FER: variants seen among roughly 807,000 people sequenced by gnomAD.
FER encodes tyrosine-protein kinase Fer.
Under a neutral mutation model 111.0 loss-of-function variants are expected in FER, and 63 were observed. The ratio of observed to expected loss-of-function variants is 0.57; its 90% CI spans 0.46 to 0.70. FER has a LOEUF of 0.70. FER is among the 30% of genes least tolerant of loss of function. The pLI is 0.00. For synonymous variants in FER, 327 were observed against 313.9 expected (o/e 1.04, Z -0.44); for missense variants, 914 against 954.0 (o/e 0.96, Z 0.55).
chr5:108,811,551 A>G (rs1159479937), intron 3 of FER, among the ~76,000 whole-genome samples: 1 of 152,212 alleles, frequency 6.6e-6, no homozygotes, highest in Non-Finnish European at 1.5e-5. Context: ...AGATGACAGT[A>G]AAGTGAAGAT....
At chr5:108,865,392 T>A (rs1341529874) in intron 5 of FER, among the ~76,000 whole-genome samples, 1 of 152,170 alleles carries the variant, frequency 6.6e-6, no homozygotes, top group Non-Finnish European at 1.5e-5. Flanking sequence ...CAACACTATG[T>A]TGAATAGGAA....
intron 17 of FER, among the ~76,000 whole-genome samples, chr5:109,168,330 CCT>C (rs1756762671): frequency 6.6e-6 from 1 of 151,978 alleles, no homozygotes; most frequent in Non-Finnish European, 1.5e-5. Flanking sequence ...GCTGGCAACC[CCT>C]AGGGAGCTTC....
intron 2 of FER, among the ~76,000 whole-genome samples, chr5:108,784,801 G>A (rs6879203): frequency 0.015 from 2,360 of 152,276 alleles, 60 homozygotes; most frequent in African/African-American, 0.054. Context: ...GGCACAGATC[G>A]CTCCTGCTAT....
rs570833619 is a variant in FER at position 108,815,578 on chromosome 5, GCTT to G, written c.208-17182_208-17180del. On this transcript the variant is annotated intron_variant, in intron 3 of 19. Coordinates refer to ENST00000281092, the MANE Select transcript of FER (RefSeq NM_005246.4). Reference sequence around the variant, plus strand: ...CTGTGCTGAAGATGAATTTTACTTTGCTTCTTCTTCTTTATGTAAAATTATATC... The same window carrying G: ...CTGTGCTGAAGATGAATTTTACTTTGCTTCTTCTTTATGTAAAATTATATC... Among the ~76,000 whole-genome samples the G allele has an allele frequency of 1.1e-4, 17 of 152,030 alleles. No homozygotes were observed. In the South Asian group the frequency reaches 2.7e-3, roughly 24 times the overall value.
At chr5:108,879,098 C>G (rs1765380502) in intron 8 of FER, among the ~76,000 whole-genome samples, 1 of 151,996 alleles carries the variant, frequency 6.6e-6, no homozygotes, top group African/African-American at 2.4e-5. Context: ...ATGCTTGGCA[C>G]TCAAATGTTA....
chr5:109,007,995 C>A (rs771025909), intron 13 of FER, among the ~76,000 whole-genome samples: 1 of 152,072 alleles, frequency 6.6e-6, no homozygotes, highest in Non-Finnish European at 1.5e-5. Flanking sequence ...TGGTATCTCA[C>A]TGTAGTTTTA....
chr5:109,018,115 T>C (rs1767440437), intron 13 of FER, among the ~76,000 whole-genome samples: 1 of 151,908 alleles, frequency 6.6e-6, no homozygotes, highest in African/African-American at 2.4e-5. Context: ...TTGGATTTTT[T>C]ACTTCTACTT....
intron 1 of FER, 46 bp from the exon 2 acceptor site, chr5:108,768,047 T>G (rs1752514790): frequency 1.3e-5 from 2 of 152,206 alleles, no homozygotes; most frequent in Admixed American, 1.3e-4. Context: ...TTTTTATCTC[T>G]TTCTCTGTAG....
At chr5:108,759,120 A>C (rs1751435104) in intron 1 of FER, among the ~76,000 whole-genome samples, 1 of 152,194 alleles carries the variant, frequency 6.6e-6, no homozygotes. Context: ...AGTATAATTA[A>C]TTGTAGTAAG....
At chr5:108,888,567 T>C (rs1291636396) in intron 9 of FER, among the ~76,000 whole-genome samples, 1 of 151,670 alleles carries the variant, frequency 6.6e-6, no homozygotes, top group African/African-American at 2.4e-5. Flanking sequence ...TTCTGGAAGC[T>C]TCCACGTTTT....
intron 9 of FER, 81 bp from the exon 10 acceptor site, chr5:108,897,578 G>A: frequency 9.6e-7 from 1 of 1,040,266 alleles, no homozygotes; most frequent in East Asian, 3.0e-5. Context: ...TGAAATCAAA[G>A]AAAAGCATAA....
At chr5:109,150,742 T>G (rs1304873888) in intron 17 of FER, among the ~76,000 whole-genome samples, 2 of 152,182 alleles carry the variant, frequency 1.3e-5, no homozygotes, top group Admixed American at 6.6e-5. Context: ...GCATAGAAAT[T>G]TACTGAGCCA....
intron 15 of FER, 127 bp downstream of exon 15, chr5:109,044,922 T>G (rs887161767): frequency 2.5e-5 from 13 of 511,426 alleles, no homozygotes; most frequent in Non-Finnish European, 4.4e-5. Context: ...CAGTATGGAA[T>G]CCAAAAATTT....
chr5:108,956,744 G>A (rs1403198864), intron 12 of FER, among the ~76,000 whole-genome samples: 1 of 151,472 alleles, frequency 6.6e-6, no homozygotes, highest in Non-Finnish European at 1.5e-5. Context: ...AGCTCCTGAA[G>A]CAGTTGTAAA....
At chr5:109,145,985 A>G (rs1754054181) in intron 17 of FER, among the ~76,000 whole-genome samples, 2 of 151,424 alleles carry the variant, frequency 1.3e-5, no homozygotes, top group African/African-American at 4.8e-5. Flanking sequence ...ATAGAAACTT[A>G]GGTGATTTAC....
chr5:108,920,735 C>G (rs914963046), intron 10 of FER, among the ~76,000 whole-genome samples: 1 of 152,046 alleles, frequency 6.6e-6, no homozygotes, highest in South Asian at 2.1e-4. Context: ...TGTTCCCTTG[C>G]CCTTTGTAAA....
intron 2 of FER, 107 bp from the exon 3 acceptor site, chr5:108,798,017 G>GT: frequency 1.8e-6 from 1 of 546,236 alleles, no homozygotes; most frequent in East Asian, 3.0e-5. Flanking sequence ...GTATTCAGTT[G>GT]TGTTTTTTTT....
chr5:109,168,942 G>T (rs191284417), intron 17 of FER, among the ~76,000 whole-genome samples: 1 of 152,108 alleles, frequency 6.6e-6, no homozygotes, highest in Admixed American at 6.6e-5. Context: ...AAATTATTTT[G>T]TCCACCTGGA....
At chr5:109,041,222 G>C (rs1581761484) in intron 14 of FER, among the ~76,000 whole-genome samples, 1 of 152,136 alleles carries the variant, frequency 6.6e-6, no homozygotes. Context: ...GTGCAGAATA[G>C]GCAGAGTTTT....
Sources: allele counts gnomAD v4.1 joint callset (sites outside exome capture counted in the v4.1 genomes callset), GRCh38; gene constraint gnomAD v4.1.1; transcripts MANE v1.5; gene names NCBI Gene and HGNC (gene_info 2026-07-23, HGNC 2026-07-21).